Variants in CHST8 observed in about 807,000 individuals in gnomAD.
CHST8 encodes the protein GALNAC-4-ST1.
In CHST8, 10 loss-of-function variants were observed where a neutral mutation model predicts 15.0. That is an observed-to-expected ratio of 0.67 (90% confidence interval 0.41 to 1.13). CHST8 has a LOEUF of 1.13. CHST8 is among the 50% of genes most tolerant of loss of function. CHST8 has a pLI of 0.00. For synonymous variants in CHST8, 259 were observed against 256.6 expected (o/e 1.01, Z -0.09); for missense variants, 634 against 608.2 (o/e 1.04, Z -0.45).
intron 2 of CHST8, chr19:33,684,434 A>C (rs1972939334): frequency 6.6e-6 from 1 of 152,350 alleles, no homozygotes; most frequent in Non-Finnish European, 1.5e-5. Context: ...AGGCAGCCTG[A>C]GAGTCGGCAG....
Position 33,771,442 on chromosome 19 carries a change from C to T in CHST8, c.160C>T (p.Pro54Ser). The T allele has an allele frequency of 6.2e-7, 1 of 1,614,064 alleles. No individual in the cohort carries two copies. The highest frequency in any genetic ancestry group is 8.5e-7 in the Non-Finnish European group (1 of 1,179,946). The change falls in exon 4 of 5, where the codon CCC becomes TCC. Residue 54 changes from proline to serine, a missense_variant. Coordinates refer to ENST00000650847, the MANE Select transcript of CHST8 (RefSeq NM_001127895.2). ...AAAGTTCAACATCAGGCCAAGGCAG[C>T]CCCACCACGTAAGTTCTGAGAGTCA... ...GIKFNIRPRQPHHDLPPGGSQ... is the reference protein window; with the variant it reads ...GIKFNIRPRQSHHDLPPGGSQ...
At chr19:33,679,078 G>A (rs1972850294) in intron 2 of CHST8, among the ~76,000 whole-genome samples, 2 of 152,330 alleles carry the variant, frequency 1.3e-5, no homozygotes, top group African/African-American at 4.8e-5. Flanking sequence ...AAGGCTTCTT[G>A]CCATTCTCTC....
At chr19:33,639,345 T>A (rs1972247752) in intron 1 of CHST8, among the ~76,000 whole-genome samples, 1 of 152,050 alleles carries the variant, frequency 6.6e-6, no homozygotes, top group African/African-American at 2.4e-5. Flanking sequence ...CTGAGGGAAG[T>A]GCTAGGGTGC....
rs142192959 is a variant in CHST8 at position 33,717,609 on chromosome 19, C to T, written c.130+28218C>T. Among the ~76,000 whole-genome samples, 141 of 152,180 alleles carry T rather than the reference C, an allele frequency of 9.3e-4. 1 individual carries two copies. Among genetic ancestry groups the T allele is most frequent in the Non-Finnish European group, 1.7e-3 (116 of 68,004 alleles). ...ATTCCTGGGAAAAAAGTGGAGATTT[C>T]TTAGAACTGTAGTGCCACACGTTTT... On this transcript the variant is annotated intron_variant, in intron 3 of 4. Transcript: ENST00000650847.
intron 3 of CHST8, among the ~76,000 whole-genome samples, chr19:33,700,185 G>C (rs1020584337): frequency 6.6e-6 from 1 of 152,160 alleles, no homozygotes; most frequent in African/African-American, 2.4e-5. Flanking sequence ...ACCCTCTTGC[G>C]TCTGTTTCCT....
rs1262680435 is a variant in CHST8, at chr19:33,696,608, G to A, written c.130+7217G>A. Among the ~76,000 whole-genome samples the A allele has an allele frequency of 6.6e-5, 10 of 152,112 alleles. No individual in the cohort carries two copies. The East Asian group carries it at 1.9e-3, about 29-fold the overall frequency. On this transcript the variant is annotated intron_variant, in intron 3 of 4. Coordinates refer to ENST00000650847, the MANE Select transcript of CHST8 (RefSeq NM_001127895.2). ...AATAGAAATAAAGTGCACAATAAAT[G>A]TAACGTGCTTGAACCACCTCGAAAC...
intron 1 of CHST8, among the ~76,000 whole-genome samples, chr19:33,639,837 CA>C (rs1972256080): frequency 1.6e-5 from 2 of 126,754 alleles, no homozygotes; most frequent in African/African-American, 3.3e-5. Flanking sequence ...AGAAGCAAAT[CA>C]AATTTTTTTT....
intron 3 of CHST8, among the ~76,000 whole-genome samples, chr19:33,694,169 CATATATATATATATATATAT>C (rs397842550): frequency 0.11 from 4,431 of 40,136 alleles, 202 homozygotes; most frequent in Non-Finnish European, 0.12. Flanking sequence ...GTAGTTTATT[CATATATATATATATATATAT>C]ATATATATAT....
At chr19:33,661,406 G>A (rs1972582925) in intron 1 of CHST8, among the ~76,000 whole-genome samples, 1 of 152,232 alleles carries the variant, frequency 6.6e-6, no homozygotes, top group African/African-American at 2.4e-5. Flanking sequence ...GCGACCCAGT[G>A]GGATTTTCAC....
intron 3 of CHST8, among the ~76,000 whole-genome samples, chr19:33,699,040 C>A (rs1273696343): frequency 1.3e-5 from 2 of 152,196 alleles, no homozygotes; most frequent in East Asian, 3.9e-4. Flanking sequence ...TGGAAGCTGT[C>A]CCTGCTCCCC....
intron 1 of CHST8, among the ~76,000 whole-genome samples, chr19:33,662,061 T>C (rs554465379): frequency 3.3e-5 from 5 of 151,854 alleles, no homozygotes; most frequent in African/African-American, 1.2e-4. Flanking sequence ...AAAGGATGAT[T>C]TCTTTTTTTT....
intron 3 of CHST8, among the ~76,000 whole-genome samples, chr19:33,692,112 G>T (rs1474389574): frequency 1.3e-5 from 2 of 151,958 alleles, no homozygotes; most frequent in African/African-American, 2.4e-5. Context: ...AATTGTAGGG[G>T]GTTGCCAGAC....
chr19:33,720,916 G>A (rs146961804), intron 3 of CHST8, among the ~76,000 whole-genome samples: 160 of 152,380 alleles, frequency 1.1e-3, no homozygotes, highest in Non-Finnish European at 1.4e-3. Flanking sequence ...GCACTGGCCC[G>A]ACGTGGACGC....
At chr19:33,646,492 G>A (rs1258587609) in intron 1 of CHST8, among the ~76,000 whole-genome samples, 1 of 152,196 alleles carries the variant, frequency 6.6e-6, no homozygotes. Context: ...TTATCTACAG[G>A]AGCAGTTGGG....
At chr19:33,706,998 G>A (rs1481452040) in intron 3 of CHST8, among the ~76,000 whole-genome samples, 1 of 152,136 alleles carries the variant, frequency 6.6e-6, no homozygotes, top group African/African-American at 2.4e-5. Flanking sequence ...CTGCTCCAAT[G>A]GGGCCTCACA....
intron 1 of CHST8, among the ~76,000 whole-genome samples, chr19:33,644,651 GGATCAGTC>G (rs1286869403): frequency 6.6e-6 from 1 of 152,162 alleles, no homozygotes; most frequent in East Asian, 1.9e-4. Context: ...TGAGGCGGGA[GGATCAGTC>G]GATTCCAGGA....
intron 1 of CHST8, among the ~76,000 whole-genome samples, chr19:33,642,425 C>T (rs537117207): frequency 6.6e-6 from 1 of 152,086 alleles, no homozygotes; most frequent in African/African-American, 2.4e-5. Context: ...CGCAGTGGCA[C>T]GATCTCGGCT....
At chr19:33,673,185 C>T (rs1348796810) in intron 2 of CHST8, among the ~76,000 whole-genome samples, 2 of 152,296 alleles carry the variant, frequency 1.3e-5, no homozygotes, top group African/African-American at 2.4e-5. Context: ...TCCCCGTGCC[C>T]GCCAAGCAGC....
intron 3 of CHST8, among the ~76,000 whole-genome samples, chr19:33,738,911 G>A (rs907133798): frequency 6.6e-6 from 1 of 152,122 alleles, no homozygotes; most frequent in Non-Finnish European, 1.5e-5. Flanking sequence ...TTTTTAGCAA[G>A]TGTGCATACT....
Sources: allele counts gnomAD v4.1 joint callset (sites outside exome capture counted in the v4.1 genomes callset), GRCh38; gene constraint gnomAD v4.1.1; transcripts MANE v1.5; gene names NCBI Gene and HGNC (gene_info 2026-07-23, HGNC 2026-07-21).